RALYL: variants seen among roughly 807,000 people sequenced by gnomAD.
RALYL encodes the protein RALY RNA binding protein like.
RALYL carries 29 observed loss-of-function variants against 35.1 expected under a neutral mutation model. The observed-to-expected ratio is 0.83, with a 90% CI of 0.61 to 1.13. The LOEUF is 1.13. Among genes scored for constraint, RALYL ranks in the 50% most tolerant of loss-of-function variants. The probability of loss-of-function intolerance (pLI) is 0.00; values close to 1 mark genes in which losing one functional copy is unlikely to be tolerated. For synonymous variants in RALYL, 120 were observed against 127.6 expected, an observed-to-expected ratio of 0.94 and a Z score of 0.40; for missense variants, 359 against 360.4, an observed-to-expected ratio of 1.00 and a Z score of 0.03.
At chr8:84,536,658 C>A (rs530988755) in intron 2 of RALYL, among the ~76,000 whole-genome samples, 14 of 152,226 alleles carry the variant, frequency 9.2e-5, no homozygotes, top group African/African-American at 2.6e-4. Flanking sequence ...AAGAATGCTG[C>A]AGGTAATAAA....
chr8:84,457,724 C>T (rs373688951), intron 1 of RALYL, among the ~76,000 whole-genome samples: 2 of 151,824 alleles, frequency 1.3e-5, no homozygotes, highest in Non-Finnish European at 2.9e-5. Context: ...ATTATTTGCA[C>T]GTCTTTCTCC....
chr8:84,209,313 T>A (rs1818875921), intron 1 of RALYL, among the ~76,000 whole-genome samples: 1 of 152,150 alleles, frequency 6.6e-6, no homozygotes, highest in Admixed American at 6.6e-5. Flanking sequence ...TCCCTTTCTG[T>A]GGCCACTTTG....
intron 6 of RALYL, among the ~76,000 whole-genome samples, chr8:84,871,854 C>T (rs1355944109): frequency 6.6e-6 from 1 of 152,028 alleles, no homozygotes; most frequent in Non-Finnish European, 1.5e-5. Context: ...GTTTATGATC[C>T]ATAACATATC....
At chr8:84,231,091 C>T (rs149994317) in intron 1 of RALYL, among the ~76,000 whole-genome samples, 1 of 152,342 alleles carries the variant, frequency 6.6e-6, no homozygotes, top group Non-Finnish European at 1.5e-5. Context: ...TGGAATCTTA[C>T]AGTTGCTGTG....
intron 2 of RALYL, among the ~76,000 whole-genome samples, chr8:84,610,213 T>C (rs2070123006): frequency 6.6e-6 from 1 of 152,090 alleles, no homozygotes; most frequent in Middle Eastern, 3.2e-3. Flanking sequence ...CGGGATCCCA[T>C]TTAGACTACC....
intron 1 of RALYL, among the ~76,000 whole-genome samples, chr8:84,391,653 T>C (rs1313931670): frequency 6.6e-6 from 1 of 152,070 alleles, no homozygotes; most frequent in Admixed American, 6.6e-5. Flanking sequence ...GGTTTTGATA[T>C]TGTAGGCATA....
chr8:84,197,411 A>G (rs932315960), intron 1 of RALYL, among the ~76,000 whole-genome samples: 4 of 152,206 alleles, frequency 2.6e-5, no homozygotes, highest in African/African-American at 9.6e-5. Context: ...TGACTTTCAT[A>G]CAAAGAAGAT....
intron 1 of RALYL, among the ~76,000 whole-genome samples, chr8:84,430,519 A>T (rs1486585094): frequency 1.3e-5 from 2 of 152,120 alleles, no homozygotes; most frequent in African/African-American, 4.8e-5. Context: ...TCTATTCTCC[A>T]TCTGAGACCT....
intron 2 of RALYL, among the ~76,000 whole-genome samples, chr8:84,726,512 G>C (rs1844983880): frequency 6.6e-6 from 1 of 151,242 alleles, no homozygotes; most frequent in Non-Finnish European, 1.5e-5. Flanking sequence ...TTTCAAAAGA[G>C]AGAAATAAAA....
chr8:84,446,734 GA>G lies in RALYL; in HGVS notation c.-23-82564del, dbSNP rs200563542. 6.2e-3 allele frequency among the ~76,000 whole-genome samples: 940 copies of G among 152,164 alleles called. 13 individuals carry two copies. Among genetic ancestry groups the G allele is most frequent in the African/African-American group, 0.021 (865 of 41,540 alleles). On this transcript the variant is annotated intron_variant, in intron 1 of 8. Transcript: ENST00000521268. ...GGCTGTGAATATAAAGTTGTCAAGA[GA>G]GAGGGCTGTCCAAGGTGAATATGAA...
intron 1 of RALYL, among the ~76,000 whole-genome samples, chr8:84,514,090 T>TAAAAAAAAAAAAAA (rs57881021): frequency 4.9e-4 from 20 of 41,142 alleles, no homozygotes; most frequent in East Asian, 2.7e-3. Context: ...AGATTTCATC[T>TAAAAAAAAAAAAAA]AAAAAAAAAA....
intron 2 of RALYL, among the ~76,000 whole-genome samples, chr8:84,737,467 C>T (rs867197002): frequency 6.6e-6 from 1 of 151,864 alleles, no homozygotes; most frequent in South Asian, 2.1e-4. Flanking sequence ...GGTTATTTTA[C>T]ACATTTATAT....
intron 4 of RALYL, among the ~76,000 whole-genome samples, chr8:84,840,210 A>C (rs1832919360): frequency 8.1e-6 from 1 of 124,152 alleles, no homozygotes. Flanking sequence ...AAAGAAGTAA[A>C]AAACCTTGAA....
intron 2 of RALYL, among the ~76,000 whole-genome samples, chr8:84,664,656 G>A (rs1831612845): frequency 6.6e-6 from 1 of 152,034 alleles, no homozygotes; most frequent in South Asian, 2.1e-4. Context: ...CTGGATGCTA[G>A]TGATTTTTGA....
intron 1 of RALYL, among the ~76,000 whole-genome samples, chr8:84,236,203 A>G (rs894273878): frequency 1.3e-5 from 2 of 152,194 alleles, no homozygotes; most frequent in African/African-American, 4.8e-5. Flanking sequence ...GACTAAAGGC[A>G]TATTTGGAAA....
intron 1 of RALYL, among the ~76,000 whole-genome samples, chr8:84,197,083 ATCAC>A (rs1252820522): frequency 5.3e-5 from 8 of 152,206 alleles, no homozygotes; most frequent in Non-Finnish European, 8.8e-5. Flanking sequence ...CTTGCAGAGA[ATCAC>A]TCATTATTTT....
At chr8:84,423,633 T>A (rs1325073091) in intron 1 of RALYL, among the ~76,000 whole-genome samples, 2 of 152,098 alleles carry the variant, frequency 1.3e-5, no homozygotes, top group Non-Finnish European at 2.9e-5. Flanking sequence ...TGATGCAGTT[T>A]CTTCCTAGTC....
Position 84,434,949 on chromosome 8 carries a change from A to G in RALYL, c.-23-94350A>G, listed in dbSNP as rs191959733. 1.3e-3 allele frequency among the ~76,000 whole-genome samples: 194 copies of G among 152,334 alleles called. 2 individuals are homozygous for G. The highest frequency in any genetic ancestry group is 3.9e-3 in the African/African-American group (161 of 41,578). ...TTATTTCAAGTAATAATATCTTCAAAGTAATGAATGCAAAGGAGATAAACT... is the reference window on the plus strand; with the variant it reads ...TTATTTCAAGTAATAATATCTTCAAGGTAATGAATGCAAAGGAGATAAACT... On this transcript the variant is annotated intron_variant, in intron 1 of 8. Coordinates refer to ENST00000521268, the MANE Select transcript of RALYL (RefSeq NM_173848.7).
chr8:84,883,787 A>G (rs1162964333), intron 7 of RALYL, among the ~76,000 whole-genome samples: 6 of 152,058 alleles, frequency 3.9e-5, no homozygotes, highest in Non-Finnish European at 7.4e-5. Context: ...AATGATCAGT[A>G]GGGGCGAATA....
Sources: allele counts gnomAD v4.1 joint callset (sites outside exome capture counted in the v4.1 genomes callset), GRCh38; gene constraint gnomAD v4.1.1; transcripts MANE v1.5; gene names NCBI Gene and HGNC (gene_info 2026-07-23, HGNC 2026-07-21).